FARS2: variants seen among roughly 807,000 people sequenced by gnomAD.
FARS2 encodes the protein phenylalanine--tRNA ligase, mitochondrial.
FARS2 carries 40 observed loss-of-function variants against 46.4 expected under a neutral mutation model. The observed-to-expected ratio is 0.86, with a 90% CI of 0.67 to 1.12. The LOEUF is 1.12. FARS2 is among the 50% of genes most tolerant of loss of function. The pLI is 0.00. For synonymous variants in FARS2, 234 were observed against 214.9 expected (o/e 1.09, Z -0.78); for missense variants, 513 against 567.9 (o/e 0.90, Z 0.98).
intron 6 of FARS2, among the ~76,000 whole-genome samples, chr6:5,749,018 C>T (rs1351894028): frequency 6.6e-6 from 1 of 152,230 alleles, no homozygotes; most frequent in African/African-American, 2.4e-5. Context: ...TAGCCACAGT[C>T]AGGCTCCCTA....
At chr6:5,545,523 T>C (rs1420193216) in intron 5 of FARS2, among the ~76,000 whole-genome samples, 183 bp downstream of exon 5, 1 of 151,738 alleles carries the variant, frequency 6.6e-6, no homozygotes, top group Non-Finnish European at 1.5e-5. Context: ...ACGTGTGCCA[T>C]GGTGGTTTGC....
chr6:5,310,991 G>C (rs1769047585), intron 1 of FARS2, among the ~76,000 whole-genome samples: 1 of 152,184 alleles, frequency 6.6e-6, no homozygotes, highest in African/African-American at 2.4e-5. Context: ...CCATTAAAAA[G>C]TTACTCTTCT....
At chr6:5,428,652 A>T (rs1276629036) in intron 3 of FARS2, among the ~76,000 whole-genome samples, 2 of 152,168 alleles carry the variant, frequency 1.3e-5, no homozygotes, top group South Asian at 2.1e-4. Flanking sequence ...TGTTAGCAGG[A>T]TTGTCTCTGG....
At chr6:5,544,316 C>T (rs184555995) in intron 4 of FARS2, among the ~76,000 whole-genome samples, 4 of 152,288 alleles carry the variant, frequency 2.6e-5, no homozygotes, top group East Asian at 3.9e-4. Flanking sequence ...CCATACTCAA[C>T]GGGAGGAGTT....
chr6:5,315,738 T>TTTTTTTCTTTCTTTC (rs1769438728), intron 1 of FARS2, among the ~76,000 whole-genome samples: 4 of 125,150 alleles, frequency 3.2e-5, no homozygotes, highest in South Asian at 2.6e-4. Flanking sequence ...TTCTTTCTTT[T>TTTTTTTCTTTCTTTC]TTCCTTTCTT....
intron 5 of FARS2, among the ~76,000 whole-genome samples, chr6:5,575,772 A>T (rs987476929): frequency 6.6e-6 from 1 of 152,210 alleles, no homozygotes; most frequent in Non-Finnish European, 1.5e-5. Flanking sequence ...TTACAGGTCA[A>T]CATAGTAGAA....
intron 5 of FARS2, chr6:5,609,901 G>T: frequency 2.0e-6 from 2 of 1,024,566 alleles, no homozygotes; most frequent in Non-Finnish European, 3.0e-6. Context: ...AGTTAAGTGG[G>T]CATCTGGTGT....
chr6:5,260,706 A>G (rs1390810768), upstream of FARS2: 1 of 1,553,640 alleles, frequency 6.4e-7, no homozygotes, highest in South Asian at 1.2e-5. Context: ...TACAGAGATA[A>G]CACTTGTGCG....
In FARS2 at chr6:5,717,929, T is replaced by TAGAGAGAGAGAGAGAGAGAGAGAG. The variant is rs372348270; in HGVS notation, c.1218-53361_1218-53360insGAGAGAGAGAGAGAGAGAGAGAGA. On this transcript the variant is annotated intron_variant, in intron 6 of 6. Transcript: ENST00000274680. ...TCAGCTATATATATATATATATATA[T>TAGAGAGAGAGAGAGAGAGAGAGAG]ATATATACAGAGTCTCACTCTGTCG... 4.4e-3 allele frequency among the ~76,000 whole-genome samples: 463 copies of TAGAGAGAGAGAGAGAGAGAGAGAG among 105,022 alleles called. 16 individuals are homozygous for TAGAGAGAGAGAGAGAGAGAGAGAG. The highest frequency in any genetic ancestry group is 0.026 in the African/African-American group (439 of 16,702). The allele number at this position is 105,022 out of a possible 152,430, so 68.9% of individuals were successfully genotyped here.
chr6:5,596,155 C>T (rs768965492), intron 5 of FARS2, among the ~76,000 whole-genome samples: 7 of 152,078 alleles, frequency 4.6e-5, no homozygotes, highest in African/African-American at 9.7e-5. Flanking sequence ...GGAGAGGTGC[C>T]GCCACCGTTA....
At chr6:5,521,115 T>A (rs1448618427) in intron 4 of FARS2, among the ~76,000 whole-genome samples, 1 of 152,132 alleles carries the variant, frequency 6.6e-6, no homozygotes, top group East Asian at 1.9e-4. Flanking sequence ...TTAAATTATT[T>A]TTTTTATTTA....
intron 6 of FARS2, among the ~76,000 whole-genome samples, chr6:5,686,386 T>C (rs1183440507): frequency 1.3e-5 from 2 of 151,402 alleles, no homozygotes; most frequent in Non-Finnish European, 1.5e-5. Context: ...CAGTGTGTGA[T>C]GTTCCCCTTC....
chr6:5,284,424 G>A (rs1766969902), intron 1 of FARS2, among the ~76,000 whole-genome samples: 1 of 152,296 alleles, frequency 6.6e-6, no homozygotes, highest in East Asian at 1.9e-4. Flanking sequence ...CGTAGGACAA[G>A]TTAGAGAAAT....
At chr6:5,323,983 C>T (rs1275578354) in intron 1 of FARS2, among the ~76,000 whole-genome samples, 1 of 152,146 alleles carries the variant, frequency 6.6e-6, no homozygotes, top group Non-Finnish European at 1.5e-5. Flanking sequence ...ATAACTTCCC[C>T]TCCTCCCAGA....
intron 1 of FARS2, among the ~76,000 whole-genome samples, chr6:5,338,526 A>G (rs368177680): frequency 2.0e-5 from 3 of 152,112 alleles, no homozygotes; most frequent in African/African-American, 7.2e-5. Flanking sequence ...GACCGCAGTG[A>G]CTTTCCTCAT....
intron 4 of FARS2, among the ~76,000 whole-genome samples, chr6:5,504,589 C>G (rs1223612451): frequency 6.6e-6 from 1 of 151,950 alleles, no homozygotes; most frequent in East Asian, 1.9e-4. Flanking sequence ...TCAAGTCGCA[C>G]AAAATGCAAC....
chr6:5,393,461 C>T (rs1032113350), intron 2 of FARS2, among the ~76,000 whole-genome samples: 1 of 152,024 alleles, frequency 6.6e-6, no homozygotes, highest in Non-Finnish European at 1.5e-5. Flanking sequence ...TCGAGACCAT[C>T]CTGGCCAACA....
intron 1 of FARS2, among the ~76,000 whole-genome samples, chr6:5,358,212 G>A (rs980658929): frequency 6.6e-6 from 1 of 151,986 alleles, no homozygotes; most frequent in Non-Finnish European, 1.5e-5. Flanking sequence ...AATTTTACTT[G>A]CCATAACTAT....
intron 5 of FARS2, among the ~76,000 whole-genome samples, chr6:5,594,080 A>AT (rs1774069882): frequency 6.6e-6 from 1 of 152,078 alleles, no homozygotes; most frequent in South Asian, 2.1e-4. Context: ...ATCGCTGAGT[A>AT]TTTTTTGGGT....
Sources: gnomAD v4.1 joint callset for allele counts (sites outside exome capture counted in the v4.1 genomes callset) on GRCh38, gnomAD v4.1.1 for gene constraint, MANE v1.5 for transcripts, NCBI Gene and HGNC (gene_info 2026-07-23, HGNC 2026-07-21) for gene names.